STXBP5L: variants seen among roughly 807,000 people sequenced by gnomAD.
STXBP5L encodes the protein syntaxin-binding protein 5-like.
In STXBP5L, 65 loss-of-function variants were observed where a neutral mutation model predicts 144.5. The observed-to-expected ratio is 0.45, with a 90% CI of 0.37 to 0.55. The LOEUF is 0.55. STXBP5L is among the 20% of genes least tolerant of loss of function. STXBP5L has a pLI of 0.00. For missense variants in STXBP5L, 1,298 were observed against 1,405.5 expected (o/e 0.92, Z 1.22); for synonymous variants, 505 against 469.6 (o/e 1.08, Z -0.97).
chr3:120,982,445 C>T (rs527980653), intron 3 of STXBP5L, among the ~76,000 whole-genome samples: 2 of 152,168 alleles, frequency 1.3e-5, no homozygotes, highest in Non-Finnish European at 2.9e-5. Context: ...GTTGGCTGCA[C>T]CAGCTTCACA....
intron 22 of STXBP5L, among the ~76,000 whole-genome samples, chr3:121,398,281 A>G (rs2046783264): frequency 6.6e-6 from 1 of 152,236 alleles, no homozygotes; most frequent in South Asian, 2.1e-4. Flanking sequence ...GCTGGCAAGG[A>G]TCCACAGACT....
chr3:121,137,222 A>G (rs2045299393), intron 7 of STXBP5L, among the ~76,000 whole-genome samples: 1 of 151,750 alleles, frequency 6.6e-6, no homozygotes, highest in Admixed American at 6.6e-5. Context: ...TACCCCTTAA[A>G]CCTAAAATAA....
intron 3 of STXBP5L, among the ~76,000 whole-genome samples, chr3:120,975,500 T>A (rs1033917000): frequency 6.6e-6 from 1 of 152,218 alleles, no homozygotes; most frequent in Middle Eastern, 3.2e-3. Flanking sequence ...CAGAGACAAT[T>A]TGACTTCCTC....
At chr3:120,999,798 G>A (rs1943628485) in intron 3 of STXBP5L, among the ~76,000 whole-genome samples, 3 of 152,074 alleles carry the variant, frequency 2.0e-5, no homozygotes, top group Admixed American at 6.6e-5. Flanking sequence ...GCATTTGCTT[G>A]TCTGAAAAAT....
At chr3:121,319,491 C>G (rs140278017) in intron 20 of STXBP5L, among the ~76,000 whole-genome samples, 4 of 151,830 alleles carry the variant, frequency 2.6e-5, no homozygotes, top group Non-Finnish European at 5.9e-5. Context: ...TAGTTATATC[C>G]TATGTAAATT....
intron 15 of STXBP5L, 100 bp downstream of exon 15, chr3:121,250,863 T>G: frequency 9.9e-7 from 1 of 1,005,860 alleles, no homozygotes; most frequent in Non-Finnish European, 1.5e-6. Context: ...TCAGATATAT[T>G]TTTAGCACAC....
At chr3:121,252,650 G>C (rs2050064487) in intron 15 of STXBP5L, among the ~76,000 whole-genome samples, 1 of 152,136 alleles carries the variant, frequency 6.6e-6, no homozygotes, top group Non-Finnish European at 1.5e-5. Context: ...AATACAGAAA[G>C]CAAAATGAAT....
intron 2 of STXBP5L, among the ~76,000 whole-genome samples, chr3:120,949,060 G>A (rs529940631): frequency 8.6e-5 from 13 of 151,766 alleles, no homozygotes; most frequent in East Asian, 1.9e-4. Context: ...CCACATCCAC[G>A]CCAACATCTA....
intron 4 of STXBP5L, 147 bp downstream of exon 4, chr3:121,041,928 T>A (rs192513982): frequency 2.4e-5 from 14 of 575,622 alleles, no homozygotes; most frequent in Non-Finnish European, 4.0e-5. Context: ...CACAAAAGAC[T>A]GTACTCCTGT....
chr3:121,259,211 T>C (rs2050307349), intron 18 of STXBP5L, 43 bp downstream of exon 18: 11 of 1,383,458 alleles, frequency 8.0e-6, no homozygotes, highest in Non-Finnish European at 9.5e-6. Flanking sequence ...ATTTAGCTAA[T>C]ATGTTTGATT....
chr3:121,308,228 G>A (rs1256551666), intron 19 of STXBP5L, among the ~76,000 whole-genome samples: 2 of 152,244 alleles, frequency 1.3e-5, no homozygotes, highest in East Asian at 3.9e-4. Flanking sequence ...TAAGAAACCT[G>A]CACGTCCTAC....
At chr3:121,132,563 G>A (rs1303194991) in intron 7 of STXBP5L, among the ~76,000 whole-genome samples, 1 of 152,340 alleles carries the variant, frequency 6.6e-6, no homozygotes, top group Non-Finnish European at 1.5e-5. Context: ...GACTGAGAGA[G>A]ATGCCTGCTT....
intron 5 of STXBP5L, among the ~76,000 whole-genome samples, chr3:121,046,499 A>G (rs933555093): frequency 2.6e-5 from 4 of 151,808 alleles, no homozygotes; most frequent in Non-Finnish European, 4.4e-5. Context: ...TGGGTCCTTT[A>G]TGGTTGGTAG....
At chr3:121,176,651 T>G (rs996031253) in intron 9 of STXBP5L, among the ~76,000 whole-genome samples, 3 of 151,754 alleles carry the variant, frequency 2.0e-5, no homozygotes, top group African/African-American at 7.2e-5. Context: ...AAAAATCAAC[T>G]GACTTCAAGA....
chr3:121,273,928 C>T lies in STXBP5L; in HGVS notation c.1959-5877C>T, dbSNP rs184030743. On this transcript the variant is annotated intron_variant, in intron 18 of 26. Coordinates refer to ENST00000471454, the MANE Select transcript of STXBP5L (RefSeq NM_001308330.2). Reference sequence around the variant, plus strand: ...TTTGTTGAACTTTAAATTTTATTCACGTATTATTTTCCATTGTTTCTTGAG... The same window carrying T: ...TTTGTTGAACTTTAAATTTTATTCATGTATTATTTTCCATTGTTTCTTGAG... Among the ~76,000 whole-genome samples, 16 of 152,074 alleles carry T rather than the reference C, an allele frequency of 1.1e-4. No individual in the cohort carries two copies. The East Asian group carries it at 1.4e-3, about 13-fold the overall frequency.
At chr3:121,051,306 C>T (rs922034822) in intron 5 of STXBP5L, among the ~76,000 whole-genome samples, 11 of 152,104 alleles carry the variant, frequency 7.2e-5, no homozygotes, top group Admixed American at 2.6e-4. Context: ...CCACACCACA[C>T]CTATTCCAAA....
chr3:121,051,737 A>G (rs1008927211), intron 5 of STXBP5L, among the ~76,000 whole-genome samples: 10 of 152,206 alleles, frequency 6.6e-5, no homozygotes, highest in African/African-American at 2.4e-4. Flanking sequence ...AACTAAAATC[A>G]GAGCAGAACT....
chr3:121,226,999 T>C (rs926946923), intron 11 of STXBP5L, among the ~76,000 whole-genome samples: 6 of 152,168 alleles, frequency 3.9e-5, no homozygotes, highest in African/African-American at 1.4e-4. Flanking sequence ...GTTCATACCT[T>C]GGTAATATAA....
At chr3:121,232,851 G>A (rs1392928509) in intron 11 of STXBP5L, among the ~76,000 whole-genome samples, 2 of 152,136 alleles carry the variant, frequency 1.3e-5, no homozygotes, top group African/African-American at 4.8e-5. Context: ...TCTTGCCATA[G>A]GATGATGCCA....
Sources: allele counts gnomAD v4.1 joint callset (sites outside exome capture counted in the v4.1 genomes callset), GRCh38; gene constraint gnomAD v4.1.1; transcripts MANE v1.5; gene names NCBI Gene and HGNC (gene_info 2026-07-23, HGNC 2026-07-21).